The following SLX4IP variants were observed in gnomAD, a reference collection of about 807,000 sequenced individuals.
The protein encoded by SLX4IP is protein SLX4IP.
In SLX4IP, 34 loss-of-function variants were observed where a neutral mutation model predicts 32.9. The observed-to-expected ratio is 1.03, with a 90% CI of 0.79 to 1.38. The LOEUF is 1.38. SLX4IP is among the 40% of genes most tolerant of loss of function. The probability of loss-of-function intolerance (pLI) is 0.00; values close to 1 mark genes in which losing one functional copy is unlikely to be tolerated. For synonymous variants in SLX4IP, 172 were observed against 171.7 expected, an observed-to-expected ratio of 1.00 and a Z score of -0.01; for missense variants, 444 against 479.0, an observed-to-expected ratio of 0.93 and a Z score of 0.68.
intron 2 of SLX4IP, among the ~76,000 whole-genome samples, chr20:10,521,936 T>G (rs2065903690): frequency 2.6e-5 from 4 of 152,208 alleles, no homozygotes; most frequent in Admixed American, 2.6e-4. Flanking sequence ...GAAATGACTT[T>G]TAAAAAATCA....
At chr20:10,564,916 A>G (rs1038539864) in intron 4 of SLX4IP, among the ~76,000 whole-genome samples, 1 of 152,226 alleles carries the variant, frequency 6.6e-6, no homozygotes, top group Non-Finnish European at 1.5e-5. Context: ...CCAGACTGAC[A>G]GTCCAAAAAT....
chr20:10,446,388 G>A (rs1420753441), intron 1 of SLX4IP, among the ~76,000 whole-genome samples: 2 of 147,774 alleles, frequency 1.4e-5, no homozygotes, highest in South Asian at 2.2e-4. Context: ...CTACAGCCTG[G>A]GCAACAGAGT....
rs1167353031 is a variant in SLX4IP at position 10,623,324 on chromosome 20, C to T, written c.1172C>T (p.Ser391Phe). The T allele has an allele frequency of 6.2e-7, 1 of 1,614,096 alleles. No individual in the cohort carries two copies. Among genetic ancestry groups the T allele is most frequent in the Non-Finnish European group, 8.5e-7 (1 of 1,180,026 alleles). Residue 391 changes from serine (S) to phenylalanine (F), a missense_variant, in exon 8 of 8, where the codon TCT (serine) becomes TTT (phenylalanine). Ser to Phe is a radical substitution (Grantham distance 155). Coordinates refer to ENST00000334534, the MANE Select transcript of SLX4IP (RefSeq NM_001009608.3). ...TTAGCCACAAACACTGAAAGATTAT[C>T]TACAATTCAGAACAGCCCAACCAAG... ...TGLATNTERL[S>F]TIQNSPTKKR...
chr20:10,560,822 T>C lies in SLX4IP; in HGVS notation c.238+2T>C. ...GATCCAATCCCTTGTCCTTAAAAGG[T>C]AGGCACAGAGCACTTTGATTTTGGA... On this transcript the variant is annotated splice_donor_variant, in intron 4 of 7. Coordinates refer to ENST00000334534, the MANE Select transcript of SLX4IP (RefSeq NM_001009608.3). LOFTEE classifies it high-confidence loss of function. 8.2e-6 allele frequency: 13 copies of C among 1,588,558 alleles called. No individual in the cohort carries two copies. Among genetic ancestry groups the C allele is most frequent in the Non-Finnish European group, 1.1e-5 (13 of 1,170,158 alleles).
At chr20:10,549,023 T>C (rs140814875) in intron 2 of SLX4IP, among the ~76,000 whole-genome samples, 1 of 152,342 alleles carries the variant, frequency 6.6e-6, no homozygotes, top group Non-Finnish European at 1.5e-5. Flanking sequence ...AACTACAAGC[T>C]TGGATTTCCT....
At chr20:10,518,485 T>C (rs1193467151) in intron 2 of SLX4IP, among the ~76,000 whole-genome samples, 11 of 56,692 alleles carry the variant, frequency 1.9e-4, no homozygotes, top group Non-Finnish European at 4.5e-4. Flanking sequence ...TTCCTTTCCT[T>C]TCCTTTTCCT....
intron 2 of SLX4IP, among the ~76,000 whole-genome samples, chr20:10,530,159 C>T (rs188157600): frequency 4.6e-5 from 7 of 152,340 alleles, no homozygotes; most frequent in Admixed American, 3.3e-4. Flanking sequence ...CTTGCCTGTG[C>T]TGCCTGCCCC....
chr20:10,569,054 T>C (rs150991596), intron 4 of SLX4IP, among the ~76,000 whole-genome samples: 4 of 152,294 alleles, frequency 2.6e-5, no homozygotes, highest in African/African-American at 9.6e-5. Flanking sequence ...TGTAACGTTA[T>C]TGAAGGGTCC....
At chr20:10,447,418 AT>A (rs1486768610) in intron 1 of SLX4IP, among the ~76,000 whole-genome samples, 3 of 152,046 alleles carry the variant, frequency 2.0e-5, no homozygotes, top group African/African-American at 7.2e-5. Flanking sequence ...TTGGAGTTGC[AT>A]TAAATTAGTA....
intron 6 of SLX4IP, among the ~76,000 whole-genome samples, chr20:10,607,204 C>T (rs1242468038): frequency 6.6e-6 from 1 of 152,128 alleles, no homozygotes; most frequent in Non-Finnish European, 1.5e-5. Flanking sequence ...CGTCAGTGCA[C>T]ACATGACAAT....
chr20:10,472,939 A>AT (rs886848361), intron 2 of SLX4IP, among the ~76,000 whole-genome samples: 9 of 152,236 alleles, frequency 5.9e-5, no homozygotes, highest in Admixed American at 5.2e-4. Context: ...ATGCTGGCTT[A>AT]TTTTTCTAAG....
intron 4 of SLX4IP, among the ~76,000 whole-genome samples, chr20:10,586,020 A>G (rs1480436097): frequency 1.3e-5 from 2 of 152,108 alleles, no homozygotes; most frequent in Admixed American, 1.3e-4. Flanking sequence ...GCTACCACTC[A>G]TGTAGTCAAC....
At chr20:10,557,918 A>G (rs908817557) in intron 3 of SLX4IP, among the ~76,000 whole-genome samples, 3 of 152,210 alleles carry the variant, frequency 2.0e-5, no homozygotes, top group Non-Finnish European at 2.9e-5. Flanking sequence ...AAAGCTGTGC[A>G]GTGCATGACA....
chr20:10,498,450 C>T (rs142591977), intron 2 of SLX4IP, among the ~76,000 whole-genome samples: 132 of 152,220 alleles, frequency 8.7e-4, no homozygotes, highest in Middle Eastern at 3.4e-3. Flanking sequence ...ACCCTGCCTC[C>T]TGTGCCCCTG....
intron 2 of SLX4IP, among the ~76,000 whole-genome samples, chr20:10,460,625 AT>A (rs2065329379): frequency 6.6e-6 from 1 of 152,128 alleles, no homozygotes; most frequent in South Asian, 2.1e-4. Flanking sequence ...AAGAAGTATA[AT>A]TTGTCAGTCC....
chr20:10,527,085 TA>T (rs1209375611), intron 2 of SLX4IP, among the ~76,000 whole-genome samples: 1 of 152,242 alleles, frequency 6.6e-6, no homozygotes, highest in African/African-American at 2.4e-5. Context: ...CTTCTGGCTG[TA>T]ATGATCACAT....
intron 4 of SLX4IP, among the ~76,000 whole-genome samples, chr20:10,561,545 C>CTTTTTTTT (rs749781715): frequency 2.1e-4 from 29 of 139,150 alleles, no homozygotes; most frequent in African/African-American, 6.7e-4. Flanking sequence ...TTTCTTTTTT[C>CTTTTTTTT]TTTTTTTTTT....
intron 2 of SLX4IP, among the ~76,000 whole-genome samples, chr20:10,524,105 G>A (rs2065922514): frequency 6.6e-6 from 1 of 152,238 alleles, no homozygotes; most frequent in Non-Finnish European, 1.5e-5. Flanking sequence ...AATGTGGAAA[G>A]GCCTGGTGAC....
At chr20:10,598,572 TA>T in intron 4 of SLX4IP, 102 bp from the exon 5 acceptor site, 1 of 1,088,234 alleles carries the variant, frequency 9.2e-7, no homozygotes. Flanking sequence ...CTTCATTTGC[TA>T]AATAACTATT....
Sources: allele counts gnomAD v4.1 joint callset (sites outside exome capture counted in the v4.1 genomes callset), GRCh38; gene constraint gnomAD v4.1.1; transcripts MANE v1.5; gene names NCBI Gene and HGNC (gene_info 2026-07-23, HGNC 2026-07-21).